Variants in SPACA7 observed in about 807,000 individuals in gnomAD.
The protein encoded by SPACA7 is sperm acrosome-associated protein 7.
Under a neutral mutation model 26.3 loss-of-function variants are expected in SPACA7, and 19 were observed. The ratio of observed to expected loss-of-function variants is 0.72; its 90% CI spans 0.50 to 1.06. SPACA7 has a LOEUF of 1.06. Ranked by LOEUF, SPACA7 falls within the 50% of genes least tolerant of loss-of-function variation. SPACA7 has a pLI of 0.00. For missense variants in SPACA7, 211 were observed against 229.9 expected (o/e 0.92, Z 0.53); for synonymous variants, 84 against 84.5 (o/e 0.99, Z 0.04).
intron 5 of SPACA7, among the ~76,000 whole-genome samples, chr13:112,428,858 C>A (rs868083752): frequency 6.6e-6 from 1 of 152,104 alleles, no homozygotes; most frequent in Non-Finnish European, 1.5e-5. Flanking sequence ...TCAATTAGAT[C>A]AAGTATGCTA....
At chr13:112,382,892 G>T (rs1487012447) in intron 1 of SPACA7, among the ~76,000 whole-genome samples, 1 of 151,886 alleles carries the variant, frequency 6.6e-6, no homozygotes, top group Non-Finnish European at 1.5e-5. Context: ...GGGAGGCTGA[G>T]GCAGGAGAAT....
intron 5 of SPACA7, among the ~76,000 whole-genome samples, chr13:112,427,760 T>C (rs1197767770): frequency 6.6e-6 from 1 of 152,250 alleles, no homozygotes; most frequent in Non-Finnish European, 1.5e-5. Context: ...ATTTCTTCTT[T>C]AATAAGCTTT....
In SPACA7 at chr13:112,399,188, G is replaced by A; in HGVS notation, c.349+15G>A. 2 of 1,343,390 alleles carry A rather than the reference G, an allele frequency of 1.5e-6. No homozygotes were observed. The highest frequency in any genetic ancestry group is 2.1e-6 in the Non-Finnish European group (2 of 933,246). The allele number at this position is 1,343,390 out of a possible 1,614,324, so 83.2% of individuals were successfully genotyped here. ...TTCCAATGATGGTAAATGCAACCCA[G>A]TAATTACCCCTTCCCAAGTCCAGCT... On this transcript the variant is annotated intron_variant, in intron 4 of 6. Coordinates refer to ENST00000283550, the MANE Select transcript of SPACA7 (RefSeq NM_145248.5).
chr13:112,383,074 A>C (rs1209307350), intron 1 of SPACA7, among the ~76,000 whole-genome samples: 6 of 81,760 alleles, frequency 7.3e-5, no homozygotes, highest in African/African-American at 2.4e-4. Context: ...CAGAAAGAGA[A>C]AGAAAGAAAA....
chr13:112,392,707 C>G (rs1301965159), intron 1 of SPACA7, among the ~76,000 whole-genome samples: 1 of 152,162 alleles, frequency 6.6e-6, no homozygotes, highest in Non-Finnish European at 1.5e-5. Context: ...ACCGGGATGT[C>G]GTCTTGACCT....
intron 2 of SPACA7, among the ~76,000 whole-genome samples, chr13:112,394,304 C>T (rs1274172404): frequency 6.6e-6 from 1 of 152,034 alleles, no homozygotes; most frequent in Non-Finnish European, 1.5e-5. Context: ...CCTTGGGAAA[C>T]AGTCACCTCC....
At chr13:112,391,554 G>A (rs1884889720) in intron 1 of SPACA7, among the ~76,000 whole-genome samples, 3 of 152,212 alleles carry the variant, frequency 2.0e-5, no homozygotes, top group Admixed American at 2.0e-4. Flanking sequence ...AAGAGCAGTG[G>A]ATTCTTACAA....
intron 5 of SPACA7, among the ~76,000 whole-genome samples, chr13:112,415,073 A>G (rs1302557626): frequency 1.3e-5 from 2 of 152,140 alleles, no homozygotes; most frequent in African/African-American, 4.8e-5. Context: ...ATCTCTTGCA[A>G]CCTCCTAGAT....
chr13:112,376,991 A>C (rs1427587025), intron 1 of SPACA7, among the ~76,000 whole-genome samples: 3 of 152,218 alleles, frequency 2.0e-5, no homozygotes, highest in African/African-American at 7.2e-5. Flanking sequence ...AATATTTGTG[A>C]TGCTTGCTAA....
intron 5 of SPACA7, among the ~76,000 whole-genome samples, chr13:112,416,633 C>T (rs1335544746): frequency 6.6e-6 from 1 of 152,138 alleles, no homozygotes; most frequent in Non-Finnish European, 1.5e-5. Flanking sequence ...TCAATCATTG[C>T]CTAATTTCAA....
rs752466742 is a variant in SPACA7 at position 112,398,044 on chromosome 13, C to G, written c.152-5C>G. 6 of 1,607,116 alleles carry G rather than the reference C, an allele frequency of 3.7e-6. No individual in the cohort carries two copies. Among genetic ancestry groups the G allele is most frequent in the Non-Finnish European group, 2.6e-6 (3 of 1,174,040 alleles). ...TCTAACGTGATCTTGTGTGCTTCTC[C>G]CAAGATGAAATTCTGGTCCAGGAGA... On this transcript the variant is annotated splice_polypyrimidine_tract_variant and splice_region_variant and intron_variant, in intron 2 of 6. Transcript: ENST00000283550.
intron 6 of SPACA7, 53 bp downstream of exon 6, chr13:112,432,574 C>A: frequency 1.5e-6 from 2 of 1,363,694 alleles, no homozygotes; most frequent in Non-Finnish European, 2.1e-6. Flanking sequence ...TCTTTTCCTG[C>A]TCAAGGGACA....
chr13:112,430,897 C>T (rs902322016), intron 5 of SPACA7, among the ~76,000 whole-genome samples: 1 of 152,158 alleles, frequency 6.6e-6, no homozygotes, highest in Non-Finnish European at 1.5e-5. Context: ...AATAGCTAAC[C>T]TGAATTATCT....
In SPACA7 at chr13:112,432,378, G is replaced by C. The variant is rs1877243001; in HGVS notation, c.446-66G>C. On this transcript the variant is annotated intron_variant, in intron 5 of 6. Transcript: ENST00000283550. ...CGCTTACGGCTCCCTGAAGTTAAAG[G>C]AAAAGTGGAATCATGCCTTAATTAT... 2.4e-5 allele frequency: 32 copies of C among 1,352,680 alleles called. No individual in the cohort carries two copies. The South Asian group carries it at 3.8e-4, about 16-fold the overall frequency. The allele number at this position is 1,352,680 out of a possible 1,614,324, so 83.8% of individuals were successfully genotyped here. A position where few individuals can be genotyped will look rare whatever the true frequency, so the allele number is the denominator to read the frequency against.
At position 112,401,079 on chromosome 13, in the gene SPACA7, T is replaced by G. The variant is rs1885609293; in HGVS notation, c.360T>G (p.Ala120=). ...TATTTGTCATTAAAGAAGCCAATGC[T>G]AATGCAAATCTCCATGGCGATCCTT... ...EVKISNDEAN[A]NANLHGDPSE... is the part of the protein sequence containing the mutation. The change falls in exon 5 of 7, where the codon GCT becomes GCG. Residue 120 remains alanine (A), a synonymous_variant. Coordinates refer to ENST00000283550, the MANE Select transcript of SPACA7 (RefSeq NM_145248.5). 6.2e-7 allele frequency: 1 copy of G among 1,613,894 alleles called. No individual in the cohort carries two copies.
intron 5 of SPACA7, among the ~76,000 whole-genome samples, chr13:112,405,686 T>C (rs2138980263): frequency 6.6e-6 from 1 of 152,332 alleles, no homozygotes; most frequent in East Asian, 1.9e-4. Context: ...CAACAACCTT[T>C]TGATTATGTT....
chr13:112,426,436 C>G (rs952770599), intron 5 of SPACA7, among the ~76,000 whole-genome samples: 3 of 152,174 alleles, frequency 2.0e-5, no homozygotes, highest in Non-Finnish European at 4.4e-5. Context: ...TTATTAATGT[C>G]TACAAAAAAT....
At chr13:112,434,366 C>A in intron 6 of SPACA7, 119 bp from the exon 7 acceptor site, 2 of 814,120 alleles carry the variant, frequency 2.5e-6, no homozygotes, top group Non-Finnish European at 4.1e-6. Context: ...GGGCTCTCCC[C>A]TCCCTCCACA....
At chr13:112,432,024 G>A (rs1877194620) in intron 5 of SPACA7, among the ~76,000 whole-genome samples, 2 of 152,230 alleles carry the variant, frequency 1.3e-5, no homozygotes, top group East Asian at 1.9e-4. Flanking sequence ...TTCAGTGTCT[G>A]TAAAACCTGT....
Sources: allele counts gnomAD v4.1 joint callset (sites outside exome capture counted in the v4.1 genomes callset), GRCh38; gene constraint gnomAD v4.1.1; transcripts MANE v1.5; gene names NCBI Gene and HGNC (gene_info 2026-07-23, HGNC 2026-07-21).